Variants in HOXA1 observed in about 807,000 individuals in gnomAD.
HOXA1 encodes homeobox A1, also known as homeobox protein Hox-A1.
A neutral mutation model predicts 28.3 loss-of-function variants in HOXA1; 21 were observed. That is an observed-to-expected ratio of 0.74 (90% CI 0.53 to 1.07). HOXA1 has a LOEUF of 1.07. Among genes scored for constraint, HOXA1 ranks in the 50% least tolerant of loss-of-function variants. HOXA1 has a pLI of 0.00. For missense variants in HOXA1, 446 were observed against 434.3 expected (o/e 1.03, Z -0.24); for synonymous variants, 208 against 181.2 (o/e 1.15, Z -1.19).
rs10951154 is a variant in HOXA1, at chr7:27,095,695, C to T, written c.218G>A (p.Arg73His). Residue 73 changes from arginine to histidine, a missense_variant, in exon 1 of 2, where the codon CGC becomes CAC. Arg to His is a conservative substitution (Grantham distance 29). Transcript: ENST00000643460. ...CTGGTAGGTAGCCGGCTGGGGGTGGCGATGGTGGTGGTGGTGGTGGTGGTG... is the reference window on the plus strand; with the variant it reads ...CTGGTAGGTAGCCGGCTGGGGGTGGTGATGGTGGTGGTGGTGGTGGTGGTG... Reference protein sequence around the residue: ...SPHHHHHHHHRHPQPATYQTS... With the variant: ...SPHHHHHHHHHHPQPATYQTS... 0.78 allele frequency: 1,210,674 copies of T among 1,554,656 alleles called. 459,498 individuals are homozygous for T. Among genetic ancestry groups the T allele is most frequent in the East Asian group, 0.94 (41,134 of 43,830 alleles).
At position 27,094,479 on chromosome 7, in the gene HOXA1, C is replaced by T. The variant is rs889673453; in HGVS notation, c.969G>A (p.Pro323=). Residue 323 remains proline, a synonymous_variant, in exon 2 of 2, where the codon CCG becomes CCA. Transcript: ENST00000643460. ...TCAGAGTGTCTGAGGTAGAAGACCC[C>T]GGGGAAGGAACGCAGGGCGAAGAGC... is the stretch of plus-strand genomic sequence containing the variant. ...KSSSSPCVPS[P]GSSTSDTLTT... The T allele has an allele frequency of 4.3e-6, 7 of 1,614,046 alleles. No individual in the cohort carries two copies. In the African/African-American group the frequency reaches 9.3e-5, roughly 22 times the overall value.
chr7:27,094,490 C>T lies in HOXA1; in HGVS notation c.958G>A (p.Val320Ile), dbSNP rs199550475. ...GAGGTAGAAGACCCCGGGGAAGGAA[C>T]GCAGGGCGAAGAGCTGGACTTCTCT... ...SSEKSSSSPC[V>I]PSPGSSTSDT... Residue 320 changes from valine (V) to isoleucine (I), a missense_variant, in exon 2 of 2, where the codon GTT becomes ATT. Coordinates refer to ENST00000643460, the MANE Select transcript of HOXA1 (RefSeq NM_005522.5). 1.2e-6 allele frequency: 2 copies of T among 1,614,198 alleles called. No individual in the cohort carries two copies. The highest frequency in any genetic ancestry group is 1.7e-6 in the Non-Finnish European group (2 of 1,180,036).
chr7:27,095,661 C>T lies in HOXA1; in HGVS notation c.252G>A (p.Gly84=), dbSNP rs765261087. ...AGTGGGAGTAGGACACCCCCAGGTTCCCGGAAGTCTGGTAGGTAGCCGGCT... is the reference window on the plus strand; with the variant it reads ...AGTGGGAGTAGGACACCCCCAGGTTTCCGGAAGTCTGGTAGGTAGCCGGCT... The part of the protein sequence containing the change: ...HPQPATYQTS[G]NLGVSYSHSS... The change falls in exon 1 of 2, where the codon GGG becomes GGA. Residue 84 remains glycine, a synonymous_variant. Coordinates refer to ENST00000643460, the MANE Select transcript of HOXA1 (RefSeq NM_005522.5). The T allele has an allele frequency of 7.4e-6, 12 of 1,613,862 alleles. No individual in the cohort carries two copies. The Admixed American group carries it at 1.3e-4, about 18-fold the overall frequency.
At chr7:27,094,884 G>C (rs902455204) in intron 1 of HOXA1, 89 bp from the exon 2 acceptor site, 3 of 972,600 alleles carry the variant, frequency 3.1e-6, no homozygotes, top group Non-Finnish European at 4.8e-6. Context: ...CAACACTCAG[G>C]TAAAGAAAAG....
Position 27,094,033 on chromosome 7 carries a change from CTA to C in HOXA1, c.*405_*406del, listed in dbSNP as rs1783757623. 4.9e-6 allele frequency: 1 copy of C among 202,906 alleles called. No individual in the cohort carries two copies. The highest frequency in any genetic ancestry group is 2.3e-5 in the African/African-American group (1 of 43,524). The allele number at this position is 202,906 out of a possible 1,614,324, so 12.6% of individuals were successfully genotyped here. A position where few individuals can be genotyped will look rare whatever the true frequency, so the allele number is the denominator to read the frequency against. Reference sequence around the variant, plus strand: ...CCTGAGCTCCTGGACTCGCCTTTCGCTATATCCTACTTTCAAGGACAAGGGAG... The same window carrying C: ...CCTGAGCTCCTGGACTCGCCTTTCGCTATCCTACTTTCAAGGACAAGGGAG... On this transcript the variant is annotated 3_prime_UTR_variant, in exon 2 of 2. Coordinates refer to ENST00000643460, the MANE Select transcript of HOXA1 (RefSeq NM_005522.5).
Position 27,094,474 on chromosome 7 carries a change from G to C in HOXA1, c.974C>G (p.Ser325Cys). Reference sequence around the variant, plus strand: ...GGTAGTCAGAGTGTCTGAGGTAGAAGACCCCGGGGAAGGAACGCAGGGCGA... The same window carrying C: ...GGTAGTCAGAGTGTCTGAGGTAGAACACCCCGGGGAAGGAACGCAGGGCGA... ...SSSPCVPSPG[S>C]STSDTLTTSH The change falls in exon 2 of 2, where the codon TCT becomes TGT. Residue 325 changes from serine to cysteine, a missense_variant. Ser to Cys is a moderately radical substitution (Grantham distance 112). Transcript: ENST00000643460. The C allele has an allele frequency of 6.2e-7, 1 of 1,614,190 alleles. No individual in the cohort carries two copies. The highest frequency in any genetic ancestry group is 8.5e-7 in the Non-Finnish European group (1 of 1,180,010).
At position 27,093,584 on chromosome 7, in the gene HOXA1, A is replaced by G. The variant is rs971030865; in HGVS notation, c.*856T>C. ...AGCTGAAAATACATTATATCCAGCT[A>G]AGATAACTGTGGAAGGAAGAAATTG... On this transcript the variant is annotated 3_prime_UTR_variant, in exon 2 of 2. Transcript: ENST00000643460. The G allele has an allele frequency of 2.0e-5, 3 of 152,658 alleles. No homozygotes were observed. Among genetic ancestry groups the G allele is most frequent in the Non-Finnish European group, 2.9e-5 (2 of 68,038 alleles). 9.5% of individuals were successfully genotyped at this position (152,658 alleles called of 1,614,324 possible).
Position 27,095,466 on chromosome 7 carries a change from A to AT in HOXA1, c.446dup (p.Tyr149Ter). ...GAGGCGAGCCCACCGCGCCCCCAGC[A>AT]TAACCCTGGTGGTGGTGGTGATGCT... ...MVQHHHHHQG[Y>*]AGGAVGSPQY... The change falls in exon 1 of 2, where the codon TAT becomes TAAT. Residue 149 changes from tyrosine to a stop codon, truncating the protein, a stop_gained and frameshift_variant. Coordinates refer to ENST00000643460, the MANE Select transcript of HOXA1 (RefSeq NM_005522.5). LOFTEE classifies it high-confidence loss of function. 7 of 1,614,196 alleles carry AT rather than the reference A, an allele frequency of 4.3e-6. No homozygotes were observed. The highest frequency in any genetic ancestry group is 5.9e-6 in the Non-Finnish European group (7 of 1,180,030).
At chr7:27,095,196 G>C in intron 1 of HOXA1, 65 bp downstream of exon 1, 2 of 1,524,328 alleles carry the variant, frequency 1.3e-6, no homozygotes, top group Non-Finnish European at 1.8e-6. Flanking sequence ...TAATTTCCTT[G>C]GAAATTAAGC....
rs1164629553 is a variant in HOXA1 at position 27,095,827 on chromosome 7, G to A, written c.86C>T (p.Pro29Leu). The change falls in exon 1 of 2, where the codon CCC becomes CTC. Residue 29 changes from proline (P) to leucine (L), a missense_variant. Transcript: ENST00000643460. The part of the protein sequence containing the change: ...DSGTCSARAY[P>L]SDHRITTFQS... ...GAAAGTTGTAATCCTATGGTCCGAG[G>A]GGTAGGCTCGGGCTGAGCAGGTCCC... 1 of 1,613,878 alleles carries A rather than the reference G, an allele frequency of 6.2e-7. No homozygotes were observed. Among genetic ancestry groups the A allele is most frequent in the Non-Finnish European group, 8.5e-7 (1 of 1,179,884 alleles).
chr7:27,093,081 T>G lies in HOXA1; in HGVS notation c.*1359A>C, dbSNP rs1043027231. ...TAGCACTTGACCCAGGAAGTATCCA[T>G]GTTTGTTTCAAAAATAAATCTGCTT... On this transcript the variant is annotated 3_prime_UTR_variant, in exon 2 of 2. Transcript: ENST00000643460. 4 of 152,778 alleles carry G rather than the reference T, an allele frequency of 2.6e-5. No homozygotes were observed. Among genetic ancestry groups the G allele is most frequent in the East Asian group, 1.9e-4 (1 of 5,184 alleles). 9.5% of individuals were successfully genotyped at this position (152,778 alleles called of 1,614,324 possible).
In HOXA1 at chr7:27,093,278, A is replaced by G. The variant is rs1004923725; in HGVS notation, c.*1162T>C. The G allele has an allele frequency of 6.6e-6, 1 of 152,648 alleles. No individual in the cohort carries two copies. Among genetic ancestry groups the G allele is most frequent in the South Asian group, 2.1e-4 (1 of 4,830 alleles). The allele number at this position is 152,648 out of a possible 1,614,324, so 9.5% of individuals were successfully genotyped here. On this transcript the variant is annotated 3_prime_UTR_variant, in exon 2 of 2. Coordinates refer to ENST00000643460, the MANE Select transcript of HOXA1 (RefSeq NM_005522.5). The stretch of plus-strand genomic sequence containing the variant: ...CATAGGAATTAACAAATTGTAGCCC[A>G]GCCAAATACACGGATGCTTAAGCAT...
Position 27,095,416 on chromosome 7 carries a change from T to C in HOXA1, c.497A>G (p.Gln166Arg), listed in dbSNP as rs1365677129. 1 of 1,614,144 alleles carries C rather than the reference T, an allele frequency of 6.2e-7. No individual in the cohort carries two copies. The highest frequency in any genetic ancestry group is 1.3e-5 in the African/African-American group (1 of 75,010). The change falls in exon 1 of 2, where the codon CAG becomes CGG. Residue 166 changes from glutamine (Q) to arginine (R), a missense_variant. By Grantham distance (43) the Gln-to-Arg change is conservative. Coordinates refer to ENST00000643460, the MANE Select transcript of HOXA1 (RefSeq NM_005522.5). ...SPQYIHHSYG[Q>R]EHQSLALATY... is the part of the protein sequence containing the mutation. ...AGCCAGGGCCAGGCTCTGGTGCTCC[T>C]GTCCATATGAGTGGTGAATGTATTG...
Position 27,094,803 on chromosome 7 carries a change from A to C in HOXA1, c.653-8T>G, listed in dbSNP as rs1783782156. 1 of 1,609,776 alleles carries C rather than the reference A, an allele frequency of 6.2e-7. No homozygotes were observed. Among genetic ancestry groups the C allele is most frequent in the African/African-American group, 1.3e-5 (1 of 74,938 alleles). On this transcript the variant is annotated splice_region_variant and splice_polypyrimidine_tract_variant and intron_variant, in intron 1 of 1. Transcript: ENST00000643460. Reference sequence around the variant, plus strand: ...CGTACTCTCCAACTTTCCCTGGGGCAAAGTGGGAAGCCATGAGACGGAAAT... The same window carrying C: ...CGTACTCTCCAACTTTCCCTGGGGCCAAGTGGGAAGCCATGAGACGGAAAT...
Position 27,094,762 on chromosome 7 carries a change from G to T in HOXA1, c.686C>A (p.Pro229His), listed in dbSNP as rs759032142. The T allele has an allele frequency of 1.9e-5, 30 of 1,613,974 alleles. No individual in the cohort carries two copies. The highest frequency in any genetic ancestry group is 2.5e-5 in the Non-Finnish European group (30 of 1,180,036). Residue 229 changes from proline to histidine, a missense_variant, in exon 2 of 2, where the codon CCC becomes CAC. Physicochemically the swap from Pro to His is moderately conservative, Grantham distance 77. Transcript: ENST00000643460. The stretch of plus-strand genomic sequence containing the variant: ...AGTGAAGTTGGTGCGCACCGCGTTG[G>T]GTTGACCCAGGTAGCCGTACTCTCC... ...KVGEYGYLGQPNAVRTNFTTK... is the reference protein window; with the variant it reads ...KVGEYGYLGQHNAVRTNFTTK...
chr7:27,095,594 G>T lies in HOXA1; in HGVS notation c.319C>A (p.Pro107Thr). The T allele has an allele frequency of 6.2e-7, 1 of 1,614,176 alleles. No individual in the cohort carries two copies. The change falls in exon 1 of 2, where the codon CCT becomes ACT. Residue 107 changes from proline (P) to threonine (T), a missense_variant. By Grantham distance (38) the Pro-to-Thr change is conservative. Transcript: ENST00000643460. ...TGATTTAACGCGTAGGGGCTGTAAG[G>T]CGCACTGAAGTTCTGTGAGCCATAG... ...PSYGSQNFSA[P>T]YSPYALNQEA...
Position 27,095,441 on chromosome 7 carries a change from G to A in HOXA1, c.472C>T (p.Gln158Ter). The A allele has an allele frequency of 6.2e-7, 1 of 1,614,068 alleles. No individual in the cohort carries two copies. The highest frequency in any genetic ancestry group is 8.5e-7 in the Non-Finnish European group (1 of 1,180,014). The change falls in exon 1 of 2, where the codon CAA (glutamine) becomes TAA (stop). Residue 158 changes from glutamine to a stop codon, truncating the protein, a stop_gained. Transcript: ENST00000643460. LOFTEE classifies it high-confidence loss of function. ...GYAGGAVGSP[Q>*]YIHHSYGQEH... is the part of the protein sequence containing the mutation. ...TGTCCATATGAGTGGTGAATGTATT[G>A]AGGCGAGCCCACCGCGCCCCCAGCA...
chr7:27,094,263 A>C lies in HOXA1; in HGVS notation c.*177T>G, dbSNP rs561248096. 1.8e-4 allele frequency: 110 copies of C among 611,644 alleles called. 1 individual carries two copies. The highest frequency in any genetic ancestry group is 1.6e-3 in the African/African-American group (88 of 54,250). 37.9% of individuals were successfully genotyped at this position (611,644 alleles called of 1,614,324 possible). The stretch of plus-strand genomic sequence containing the variant: ...TGGATGAAGGTGTTAACCCCGCACC[A>C]AGTCTCTGGTCCAGAATTATCTGCA... On this transcript the variant is annotated 3_prime_UTR_variant, in exon 2 of 2. Coordinates refer to ENST00000643460, the MANE Select transcript of HOXA1 (RefSeq NM_005522.5).
chr7:27,095,856 G>C lies in HOXA1; in HGVS notation c.57C>G (p.Asp19Glu), dbSNP rs1256148487. The C allele has an allele frequency of 6.2e-7, 1 of 1,613,936 alleles. No individual in the cohort carries two copies. Among genetic ancestry groups the C allele is most frequent in the East Asian group, 2.2e-5 (1 of 44,880 alleles). Reference sequence around the variant, plus strand: ...AGGCTCGGGCTGAGCAGGTCCCCGAGTCGCCACTGCTAAGTATGGGGTATT... The same window carrying C: ...AGGCTCGGGCTGAGCAGGTCCCCGACTCGCCACTGCTAAGTATGGGGTATT... Reference protein sequence around the residue: ...FLEYPILSSGDSGTCSARAYP... With the variant: ...FLEYPILSSGESGTCSARAYP... Residue 19 changes from aspartate to glutamate, a missense_variant, in exon 1 of 2, where the codon GAC (aspartate) becomes GAG (glutamate). Physicochemically the swap from Asp to Glu is conservative, Grantham distance 45. Transcript: ENST00000643460.
Sources: allele counts gnomAD v4.1 joint callset, GRCh38; gene constraint gnomAD v4.1.1; transcripts MANE v1.5; gene names NCBI Gene and HGNC (gene_info 2026-07-23, HGNC 2026-07-21).